Variants in MTA3 observed in about 807,000 individuals in gnomAD.
MTA3 encodes the protein metastasis associated 1 family member 3.
A neutral mutation model predicts 83.5 loss-of-function variants in MTA3; 34 were observed. That is an observed-to-expected ratio of 0.41 (90% confidence interval 0.31 to 0.54). The LOEUF (loss-of-function observed/expected upper bound fraction) is 0.54, where lower values mean the gene tolerates loss of function less well. MTA3 is among the 20% of genes least tolerant of loss of function. The probability of loss-of-function intolerance (pLI) is 0.33; values close to 1 mark genes in which losing one functional copy is unlikely to be tolerated. For synonymous variants in MTA3, 303 were observed against 252.7 expected (o/e 1.20, Z -1.89); for missense variants, 761 against 726.4 (o/e 1.05, Z -0.55).
Position 42,579,185 on chromosome 2 carries a change from G to C in MTA3, c.175G>C (p.Ala59Pro). 6.3e-7 allele frequency: 1 copy of C among 1,594,314 alleles called. No individual in the cohort carries two copies. Among genetic ancestry groups the C allele is most frequent in the Non-Finnish European group, 8.5e-7 (1 of 1,171,402 alleles). Residue 59 changes from alanine to proline, a missense_variant, in exon 3 of 17, where the codon GCA becomes CCA. By Grantham distance (27) the Ala-to-Pro change is conservative. Transcript: ENST00000405094. Reference protein sequence around the residue: ...RDISNTLIMLADKHAKEIEEE... With the variant: ...RDISNTLIMLPDKHAKEIEEE... ...TATTTCCAACACACTTATAATGCTC[G>C]CAGATAAGCATGCTAGTAAGTTGTT...
rs536788043 is a variant in MTA3, at chr2:42,555,180, G to A, written c.-140-15257G>A. ...AGTAGCACAGTTATTTTGAGAAAAG[G>A]AGGCCGGACATTGTGGCTCATGCCT... is the stretch of plus-strand genomic sequence containing the variant. On this transcript the variant is annotated intron_variant, in intron 2 of 17. Coordinates refer to the MTA3 transcript ENST00000405592. Among the ~76,000 whole-genome samples the A allele has an allele frequency of 2.6e-5, 4 of 151,986 alleles. No individual in the cohort carries two copies. The South Asian group carries it at 8.3e-4, about 32-fold the overall frequency.
At chr2:42,676,324 A>T (rs1355547432) in intron 8 of MTA3, among the ~76,000 whole-genome samples, 1 of 152,252 alleles carries the variant, frequency 6.6e-6, no homozygotes, top group African/African-American at 2.4e-5. Context: ...ATCATCATTT[A>T]AAAAAGTATC....
At chr2:42,544,708 T>C (rs1423414543) in intron 2 of MTA3, among the ~76,000 whole-genome samples, 1 of 151,882 alleles carries the variant, frequency 6.6e-6, no homozygotes. Context: ...AAAACAGTGA[T>C]ATTCCTTGCT....
At chr2:42,642,834 G>A (rs1476434390) in intron 5 of MTA3, among the ~76,000 whole-genome samples, 1 of 151,924 alleles carries the variant, frequency 6.6e-6, no homozygotes, top group Non-Finnish European at 1.5e-5. Context: ...TAGTAGAGAC[G>A]GGATTTCACC....
At chr2:42,636,915 G>A (rs1380658747) in intron 4 of MTA3, among the ~76,000 whole-genome samples, 2 of 152,106 alleles carry the variant, frequency 1.3e-5, no homozygotes, top group African/African-American at 4.8e-5. Flanking sequence ...ATGAGCCACT[G>A]CGCCTGGCCC....
At chr2:42,651,367 C>T (rs1688701156) in intron 6 of MTA3, among the ~76,000 whole-genome samples, 1 of 152,118 alleles carries the variant, frequency 6.6e-6, no homozygotes, top group African/African-American at 2.4e-5. Flanking sequence ...AATTAGCTTG[C>T]TCAACTTTAT....
chr2:42,714,617 A>G (rs925264291), intron 14 of MTA3, among the ~76,000 whole-genome samples: 2 of 152,184 alleles, frequency 1.3e-5, no homozygotes, highest in African/African-American at 4.8e-5. Context: ...GTGTATTTCT[A>G]GGTTAACCCC....
intron 3 of MTA3, among the ~76,000 whole-genome samples, chr2:42,605,853 C>T (rs1458551324): frequency 3.7e-5 from 5 of 133,338 alleles, no homozygotes; most frequent in South Asian, 2.5e-4. Context: ...GACCCCCCCA[C>T]CTCCCTCCTG....
At chr2:42,654,425 A>G (rs1253439379) in intron 6 of MTA3, among the ~76,000 whole-genome samples, 1 of 152,246 alleles carries the variant, frequency 6.6e-6, no homozygotes, top group Non-Finnish European at 1.5e-5. Flanking sequence ...AAACAAAGCC[A>G]AAGCAGTCCC....
chr2:42,541,959 C>A (rs781240879), intron 2 of MTA3, among the ~76,000 whole-genome samples: 11 of 152,182 alleles, frequency 7.2e-5, no homozygotes, highest in Non-Finnish European at 1.2e-4. Context: ...GCCCAAAAAC[C>A]AGCCTCAGGA....
chr2:42,632,236 G>T (rs1422854580), intron 4 of MTA3, among the ~76,000 whole-genome samples: 1 of 151,592 alleles, frequency 6.6e-6, no homozygotes, highest in Admixed American at 6.6e-5. Context: ...TTCTACAGGC[G>T]GCCGCCACCA....
Position 42,545,953 on chromosome 2 carries a change from A to G in MTA3, c.-140-24484A>G, listed in dbSNP as rs114417499. Among the ~76,000 whole-genome samples the G allele has an allele frequency of 4.2e-3, 642 of 152,284 alleles. 7 individuals are homozygous for G. The highest frequency in any genetic ancestry group is 0.015 in the African/African-American group (613 of 41,560). On this transcript the variant is annotated intron_variant, in intron 2 of 17. Coordinates refer to the MTA3 transcript ENST00000405592. The stretch of plus-strand genomic sequence containing the variant: ...ATGGGTATCTGGAACGTGCCTTCCC[A>G]GAAAGATTTCAAGAAATGAAAGACA...
chr2:42,660,290 T>C (rs1057185297), intron 8 of MTA3, among the ~76,000 whole-genome samples: 1 of 152,098 alleles, frequency 6.6e-6, no homozygotes, highest in Non-Finnish European at 1.5e-5. Flanking sequence ...GGTTTCACCA[T>C]GTTGGCCAGG....
intron 3 of MTA3, among the ~76,000 whole-genome samples, chr2:42,601,038 C>T (rs2103998645): frequency 6.6e-6 from 1 of 152,236 alleles, no homozygotes; most frequent in South Asian, 2.1e-4. Flanking sequence ...TCCCGAGTAG[C>T]TGGGACTATA....
chr2:42,543,839 T>A (rs114637707), intron 2 of MTA3, among the ~76,000 whole-genome samples: 3,801 of 151,396 alleles, frequency 0.025, 143 homozygotes, highest in African/African-American at 0.083. Flanking sequence ...CATTAAAAAA[T>A]ATATATATAT....
rs967412994 is a variant in MTA3 at position 42,753,979 on chromosome 2, T to G, written c.*580T>G. On this transcript the variant is annotated 3_prime_UTR_variant, in exon 17 of 17. Coordinates refer to ENST00000405094, the MANE Select transcript of MTA3 (RefSeq NM_001330442.2). ...TTTTTGAAATGGGGGAATTTGCTGT[T>G]TACCCTCTGCATTCCTATATGTGAC... 7 of 985,582 alleles carry G rather than the reference T, an allele frequency of 7.1e-6. No homozygotes were observed. The Admixed American group carries it at 4.3e-4, about 60-fold the overall frequency. 61.1% of individuals were successfully genotyped at this position (985,582 alleles called of 1,614,324 possible). A position where few individuals can be genotyped will look rare whatever the true frequency, so the allele number is the denominator to read the frequency against.
At chr2:42,580,023 A>G (rs533014325) in intron 3 of MTA3, among the ~76,000 whole-genome samples, 1 of 152,324 alleles carries the variant, frequency 6.6e-6, no homozygotes, top group African/African-American at 2.4e-5. Context: ...GGCTCACTGC[A>G]GCCTCGATGT....
chr2:42,670,372 ATTTGC>A (rs1290445317), intron 8 of MTA3, among the ~76,000 whole-genome samples: 1 of 152,152 alleles, frequency 6.6e-6, no homozygotes, highest in Non-Finnish European at 1.5e-5. Flanking sequence ...TCTTTACCAC[ATTTGC>A]TTTATTATTA....
At chr2:42,751,048 A>G (rs1669839332) in intron 16 of MTA3, among the ~76,000 whole-genome samples, 1 of 152,174 alleles carries the variant, frequency 6.6e-6, no homozygotes, top group Non-Finnish European at 1.5e-5. Flanking sequence ...ATAGTCTGTT[A>G]TCACTCATTT....
Sources: allele counts gnomAD v4.1 joint callset (sites outside exome capture counted in the v4.1 genomes callset), GRCh38; gene constraint gnomAD v4.1.1; transcripts MANE v1.5; gene names NCBI Gene and HGNC (gene_info 2026-07-23, HGNC 2026-07-21).